Variants in CSMD1 observed in about 807,000 individuals in gnomAD.
CSMD1 encodes the protein CUB and Sushi multiple domains 1, also known as CUB and sushi domain-containing protein 1.
Under a neutral mutation model 417.5 loss-of-function variants are expected in CSMD1, and 213 were observed. The observed-to-expected ratio is 0.51, with a 90% CI of 0.46 to 0.57. The LOEUF (loss-of-function observed/expected upper bound fraction) is 0.57, where lower values mean the gene tolerates loss of function less well. Ranked by LOEUF, CSMD1 falls within the 20% of genes least tolerant of loss-of-function variation. The pLI, the probability that CSMD1 is intolerant of heterozygous loss-of-function variation, is 0.00. For synonymous variants in CSMD1, 2,862 were observed against 1,736.8 expected (o/e 1.65, Z -16.11); for missense variants, 6,923 against 4,529.7 (o/e 1.53, Z -15.17).
At chr8:3,943,143 G>A (rs907973504) in intron 5 of CSMD1, among the ~76,000 whole-genome samples, 1 of 152,034 alleles carries the variant, frequency 6.6e-6, no homozygotes, top group African/African-American at 2.4e-5. Context: ...TGAATGCATT[G>A]TTATCTTATG....
intron 49 of CSMD1, among the ~76,000 whole-genome samples, chr8:3,069,836 T>C (rs1221599740): frequency 3.3e-5 from 5 of 152,220 alleles, no homozygotes; most frequent in African/African-American, 1.2e-4. Context: ...AGGTTCTCTG[T>C]GAGGGCTCTG....
chr8:3,453,864 C>T (rs903103371), intron 12 of CSMD1, among the ~76,000 whole-genome samples: 1 of 152,122 alleles, frequency 6.6e-6, no homozygotes, highest in Non-Finnish European at 1.5e-5. Context: ...TCCTGGATAT[C>T]CTTGTTAACT....
intron 1 of CSMD1, among the ~76,000 whole-genome samples, chr8:4,968,567 C>T (rs777022533): frequency 9.9e-5 from 15 of 151,864 alleles, no homozygotes; most frequent in African/African-American, 2.7e-4. Flanking sequence ...TATTTTTTTC[C>T]GGGCCTGAAC....
chr8:3,265,144 A>C (rs1412941639), intron 26 of CSMD1, among the ~76,000 whole-genome samples: 1 of 152,188 alleles, frequency 6.6e-6, no homozygotes, highest in African/African-American at 2.4e-5. Context: ...AGAGATATTA[A>C]AAATATTTAA....
chr8:3,936,192 A>G (rs1287665839), intron 5 of CSMD1, among the ~76,000 whole-genome samples: 1 of 152,162 alleles, frequency 6.6e-6, no homozygotes, highest in Non-Finnish European at 1.5e-5. Flanking sequence ...AAGAAAAAAA[A>G]AAAAAAGCCA....
intron 10 of CSMD1, among the ~76,000 whole-genome samples, chr8:3,559,009 G>A (rs1372470648): frequency 6.6e-6 from 1 of 152,202 alleles, no homozygotes; most frequent in African/African-American, 2.4e-5. Flanking sequence ...TGCCGTGGTG[G>A]TCTGGTGACC....
intron 5 of CSMD1, among the ~76,000 whole-genome samples, chr8:3,948,070 G>C (rs573358295): frequency 1.1e-4 from 16 of 152,216 alleles, no homozygotes; most frequent in Non-Finnish European, 2.1e-4. Context: ...TCTGGGCATG[G>C]TGGCAAGTGC....
At chr8:4,591,303 G>A (rs1400873705) in intron 2 of CSMD1, among the ~76,000 whole-genome samples, 1 of 152,208 alleles carries the variant, frequency 6.6e-6, no homozygotes, top group Non-Finnish European at 1.5e-5. Context: ...AGACCCAGAG[G>A]AAGAAGTGAG....
intron 69 of CSMD1, among the ~76,000 whole-genome samples, chr8:2,940,582 C>A (rs1420020363): frequency 6.6e-6 from 1 of 152,218 alleles, no homozygotes; most frequent in African/African-American, 2.4e-5. Context: ...CCCAACTACT[C>A]AGCATTGACA....
At chr8:3,956,104 T>C (rs1223878098) in intron 5 of CSMD1, among the ~76,000 whole-genome samples, 2 of 152,216 alleles carry the variant, frequency 1.3e-5, no homozygotes, top group African/African-American at 2.4e-5. Flanking sequence ...CCAGGTTTCC[T>C]TTCTAACCCT....
At chr8:3,488,111 T>TA (rs1326405320) in intron 11 of CSMD1, among the ~76,000 whole-genome samples, 3 of 150,578 alleles carry the variant, frequency 2.0e-5, no homozygotes, top group South Asian at 2.1e-4. Flanking sequence ...TTATTATTAT[T>TA]TTTCTTTTTG....
chr8:4,841,116 A>G (rs2116776761), intron 1 of CSMD1, among the ~76,000 whole-genome samples: 1 of 152,328 alleles, frequency 6.6e-6, no homozygotes, highest in East Asian at 1.9e-4. Context: ...TGCAGAAACA[A>G]TTGGTATTAC....
At chr8:4,602,852 G>T (rs1354888706) in intron 2 of CSMD1, among the ~76,000 whole-genome samples, 2 of 151,658 alleles carry the variant, frequency 1.3e-5, no homozygotes, top group Non-Finnish European at 2.9e-5. Flanking sequence ...ACAATAAAAA[G>T]AAATCTTTTA....
chr8:3,076,715 G>C (rs1172970144), intron 49 of CSMD1, among the ~76,000 whole-genome samples: 2 of 152,220 alleles, frequency 1.3e-5, no homozygotes, highest in Non-Finnish European at 2.9e-5. Context: ...GGATTGGTGA[G>C]ATGGTTGAGC....
intron 1 of CSMD1, among the ~76,000 whole-genome samples, chr8:4,951,235 T>G (rs895226958): frequency 1.3e-5 from 2 of 152,080 alleles, no homozygotes; most frequent in Non-Finnish European, 2.9e-5. Flanking sequence ...ACAAAGAAAC[T>G]GTCTCTTTCC....
At chr8:4,450,179 C>T (rs768471138) in intron 2 of CSMD1, among the ~76,000 whole-genome samples, 11 of 152,186 alleles carry the variant, frequency 7.2e-5, no homozygotes, top group African/African-American at 2.2e-4. Flanking sequence ...AGAGTAAAAC[C>T]GAACTGGGCA....
At chr8:3,925,477 T>C (rs918165255) in intron 5 of CSMD1, among the ~76,000 whole-genome samples, 3 of 152,214 alleles carry the variant, frequency 2.0e-5, no homozygotes, top group Admixed American at 2.0e-4. Context: ...ACGTTCATAA[T>C]GCTGGGTGGT....
At chr8:3,726,833 G>A (rs1161981988) in intron 6 of CSMD1, among the ~76,000 whole-genome samples, 1 of 152,138 alleles carries the variant, frequency 6.6e-6, no homozygotes, top group African/African-American at 2.4e-5. Flanking sequence ...ATCAGTTTGA[G>A]TCACTGTAAA....
intron 1 of CSMD1, among the ~76,000 whole-genome samples, chr8:4,978,516 A>G (rs923904136): frequency 1.3e-5 from 2 of 152,212 alleles, no homozygotes; most frequent in Non-Finnish European, 2.9e-5. Flanking sequence ...TGAAAAAGCT[A>G]ACAGATTTAC....
Sources: allele counts gnomAD v4.1 joint callset (sites outside exome capture counted in the v4.1 genomes callset), GRCh38; gene constraint gnomAD v4.1.1; transcripts MANE v1.5; gene names NCBI Gene and HGNC (gene_info 2026-07-23, HGNC 2026-07-21).